Variants in TENM2 observed in about 807,000 individuals in gnomAD.
TENM2 encodes teneurin-2.
In TENM2, 52 loss-of-function variants were observed where a neutral mutation model predicts 245.2. The observed-to-expected ratio is 0.21, with a 90% CI of 0.17 to 0.27. The LOEUF (loss-of-function observed/expected upper bound fraction) is 0.27, where lower values mean the gene tolerates loss of function less well. Ranked by LOEUF, TENM2 falls within the 10% of genes least tolerant of loss-of-function variation. The probability of loss-of-function intolerance (pLI) is 1.00; values close to 1 mark genes in which losing one functional copy is unlikely to be tolerated. For missense variants in TENM2, 3,046 were observed against 3,666.8 expected (o/e 0.83, Z 4.37); for synonymous variants, 1,363 against 1,438.9 (o/e 0.95, Z 1.19).
intron 1 of TENM2, among the ~76,000 whole-genome samples, chr5:167,352,144 G>T (rs1195368285): frequency 2.6e-5 from 4 of 152,204 alleles, no homozygotes; most frequent in South Asian, 4.2e-4. Flanking sequence ...TAGAAACACT[G>T]CAAGATCTAG....
At chr5:167,846,363 A>G (rs1252242085) in intron 2 of TENM2, among the ~76,000 whole-genome samples, 1 of 152,210 alleles carries the variant, frequency 6.6e-6, no homozygotes, top group African/African-American at 2.4e-5. Flanking sequence ...CCCATCCTAA[A>G]TTTCTTCTCC....
At chr5:168,006,433 G>A (rs1337820317) in intron 5 of TENM2, among the ~76,000 whole-genome samples, 1 of 152,176 alleles carries the variant, frequency 6.6e-6, no homozygotes, top group Non-Finnish European at 1.5e-5. Context: ...TTGATTTGGG[G>A]CTTTAATGCC....
intron 2 of TENM2, among the ~76,000 whole-genome samples, chr5:167,873,319 A>G (rs1164988121): frequency 6.6e-6 from 1 of 152,244 alleles, no homozygotes; most frequent in Non-Finnish European, 1.5e-5. Context: ...GAACGCAGAA[A>G]CGTGATCTGC....
At chr5:168,169,546 C>G in intron 13 of TENM2, among the ~76,000 whole-genome samples, 1 of 152,190 alleles carries the variant, frequency 6.6e-6, no homozygotes, top group Admixed American at 6.5e-5. Flanking sequence ...CCTCCCGCTC[C>G]CTCCCCATCC....
At chr5:166,982,189 G>A in the TENM2 span, among the ~76,000 whole-genome samples, 2 of 152,134 alleles carry the variant, frequency 1.3e-5, no homozygotes, top group East Asian at 1.9e-4. Flanking sequence ...TGATGGCTAT[G>A]TAGAAAGATA....
intron 1 of TENM2, among the ~76,000 whole-genome samples, chr5:167,353,609 G>A (rs1342453964): frequency 8.0e-5 from 11 of 136,786 alleles, no homozygotes; most frequent in South Asian, 2.6e-4. Flanking sequence ...CCGGGTTCAC[G>A]CCATTCTCCT....
At chr5:168,200,598 G>A (rs1761854424) in intron 17 of TENM2, among the ~76,000 whole-genome samples, 1 of 152,186 alleles carries the variant, frequency 6.6e-6, no homozygotes, top group Non-Finnish European at 1.5e-5. Context: ...TTGGGAGAGA[G>A]GTGGTCAGGG....
intron 2 of TENM2, among the ~76,000 whole-genome samples, chr5:167,853,150 C>T (rs1770739563): frequency 6.6e-6 from 1 of 151,062 alleles, no homozygotes; most frequent in Non-Finnish European, 1.5e-5. Flanking sequence ...ATTAGCCGGG[C>T]GTGGTGGCGG....
At chr5:168,167,209 G>T (rs1270760086) in intron 13 of TENM2, among the ~76,000 whole-genome samples, 1 of 151,948 alleles carries the variant, frequency 6.6e-6, no homozygotes, top group South Asian at 2.1e-4. Context: ...AGTGACAGGC[G>T]GATAATATTT....
chr5:167,277,406 G>T, the TENM2 span, among the ~76,000 whole-genome samples: 3 of 152,090 alleles, frequency 2.0e-5, no homozygotes, highest in Non-Finnish European at 4.4e-5. Context: ...CTTTTCAAGT[G>T]TGTGGAGATT....
At chr5:167,890,056 T>A (rs1774622226) in intron 3 of TENM2, among the ~76,000 whole-genome samples, 1 of 152,118 alleles carries the variant, frequency 6.6e-6, no homozygotes, top group Non-Finnish European at 1.5e-5. Context: ...AGCCAGAGAA[T>A]CCGTCTGAGT....
At chr5:167,560,148 T>G (rs1773493917) in intron 2 of TENM2, among the ~76,000 whole-genome samples, 1 of 152,142 alleles carries the variant, frequency 6.6e-6, no homozygotes, top group Non-Finnish European at 1.5e-5. Flanking sequence ...AGGAGCTGGT[T>G]AGCAATACAG....
chr5:167,362,097 T>TGC (rs1759751941), intron 1 of TENM2, among the ~76,000 whole-genome samples: 2 of 152,190 alleles, frequency 1.3e-5, no homozygotes, highest in Non-Finnish European at 2.9e-5. Context: ...CTAAGTGTAA[T>TGC]TAAGGCTTTA....
chr5:167,431,441 CT>C (rs376500987), intron 2 of TENM2, among the ~76,000 whole-genome samples: 81 of 152,124 alleles, frequency 5.3e-4, no homozygotes, highest in Middle Eastern at 3.4e-3. Context: ...CATTAAAAAT[CT>C]TTGATAGAAA....
intron 1 of TENM2, among the ~76,000 whole-genome samples, chr5:167,341,330 A>AT (rs1758086223): frequency 6.6e-6 from 1 of 151,908 alleles, no homozygotes; most frequent in African/African-American, 2.4e-5. Flanking sequence ...CTGCTGATGG[A>AT]TTTTTCAGTA....
At chr5:167,752,998 T>C (rs1426821656) in intron 2 of TENM2, among the ~76,000 whole-genome samples, 3 of 152,182 alleles carry the variant, frequency 2.0e-5, no homozygotes, top group Non-Finnish European at 4.4e-5. Flanking sequence ...AAGGGGATGG[T>C]TGGCTATTTG....
intron 2 of TENM2, among the ~76,000 whole-genome samples, chr5:167,727,489 C>A (rs1229763237): frequency 6.6e-6 from 1 of 152,218 alleles, no homozygotes; most frequent in East Asian, 1.9e-4. Flanking sequence ...CCACCTAAAA[C>A]AAAGACTACT....
At chr5:168,063,853 C>G (rs1013505393) in intron 7 of TENM2, among the ~76,000 whole-genome samples, 2 of 152,052 alleles carry the variant, frequency 1.3e-5, no homozygotes, top group Non-Finnish European at 2.9e-5. Context: ...ACTAAAAGGA[C>G]TATTTCTTTT....
At chr5:167,292,689 A>C (rs938807790) in intron 1 of TENM2, among the ~76,000 whole-genome samples, 25 of 152,388 alleles carry the variant, frequency 1.6e-4, no homozygotes, top group Admixed American at 7.8e-4. Flanking sequence ...CAATAAAAAA[A>C]GGTAAACATG....
Sources: allele counts gnomAD v4.1 joint callset (sites outside exome capture counted in the v4.1 genomes callset), GRCh38; gene constraint gnomAD v4.1.1; transcripts MANE v1.5; gene names NCBI Gene and HGNC (gene_info 2026-07-23, HGNC 2026-07-21).